YWHAG: variants seen among roughly 807,000 people sequenced by gnomAD.
YWHAG encodes the protein 14-3-3 protein gamma.
In YWHAG, 1 loss-of-function variant was observed where a neutral mutation model predicts 23.3. The ratio of observed to expected loss-of-function variants is 0.04; its 90% CI spans 0.02 to 0.20. The LOEUF (loss-of-function observed/expected upper bound fraction) is 0.20. Ranked by LOEUF, YWHAG falls within the 10% of genes least tolerant of loss-of-function variation. The pLI, the probability that YWHAG is intolerant of heterozygous loss-of-function variation, is 1.00. For missense variants in YWHAG, 151 were observed against 338.6 expected (o/e 0.45, Z 4.35); for synonymous variants, 160 against 144.0 (o/e 1.11, Z -0.80).
At chr7:76,355,018 T>C (rs1803931151) in intron 1 of YWHAG, among the ~76,000 whole-genome samples, 1 of 152,214 alleles carries the variant, frequency 6.6e-6, no homozygotes, top group Non-Finnish European at 1.5e-5. Flanking sequence ...CTGTGAGCTG[T>C]TGTGGGCACT....
At chr7:76,348,609 T>C (rs1803822682) in intron 1 of YWHAG, among the ~76,000 whole-genome samples, 1 of 152,086 alleles carries the variant, frequency 6.6e-6, no homozygotes, top group East Asian at 1.9e-4. Context: ...TTTCACCGTG[T>C]TTGCCAGGAT....
chr7:76,358,614 G>C, intron 1 of YWHAG, 108 bp downstream of exon 1: 1 of 1,130,014 alleles, frequency 8.8e-7, no homozygotes, highest in African/African-American at 1.6e-5. Flanking sequence ...GCGAGACGGG[G>C]CGGTCAACCC....
intron 1 of YWHAG, among the ~76,000 whole-genome samples, chr7:76,332,039 C>G (rs1803549547): frequency 6.6e-6 from 1 of 152,088 alleles, no homozygotes; most frequent in African/African-American, 2.4e-5. Context: ...ATTCTCTAAA[C>G]TGATTAGTGG....
Position 76,329,489 on chromosome 7 carries a change from T to TGCCACCCCCCCC in YWHAG, c.*87_*88insGGGGGGGGTGGC. 1 of 1,024,224 alleles carries TGCCACCCCCCCC rather than the reference T, an allele frequency of 9.8e-7. No individual in the cohort carries two copies. The highest frequency in any genetic ancestry group is 1.4e-6 in the Non-Finnish European group (1 of 740,078). The allele number at this position is 1,024,224 out of a possible 1,614,324, so 63.4% of individuals were successfully genotyped here. On this transcript the variant is annotated 3_prime_UTR_variant, in exon 2 of 2. Coordinates refer to ENST00000307630, the MANE Select transcript of YWHAG (RefSeq NM_012479.4). The surrounding 1 kb of genome is among the most constrained non-coding windows in gnomAD (Gnocchi z 6.1). ...TCCCTGGGAAGGTCATCCCTCCCTT[T>TGCCACCCCCCCC]CCCTCCCCCACCCGACCCCCAACTC...
At position 76,327,254 on chromosome 7, in the gene YWHAG, A is replaced by G. The variant is rs1803457910; in HGVS notation, c.*2323T>C. The stretch of plus-strand genomic sequence containing the variant: ...AAAAAAACCTTTAAAAAATTTGAAG[A>G]CTTAATTTTTTTTGTCATAGGAATA... On this transcript the variant is annotated 3_prime_UTR_variant, in exon 2 of 2. Transcript: ENST00000307630. The G allele has an allele frequency of 6.6e-6, 1 of 152,100 alleles. No homozygotes were observed. Among genetic ancestry groups the G allele is most frequent in the African/African-American group, 2.4e-5 (1 of 41,412 alleles). The allele number at this position is 152,100 out of a possible 1,614,324, so 9.4% of individuals were successfully genotyped here. A position where few individuals can be genotyped will look rare whatever the true frequency, so the allele number is the denominator to read the frequency against.
chr7:76,355,759 A>G (rs1412376016), intron 1 of YWHAG, among the ~76,000 whole-genome samples: 1 of 152,196 alleles, frequency 6.6e-6, no homozygotes, highest in Non-Finnish European at 1.5e-5. Context: ...TCATTGAGTT[A>G]AACTGCTTAA....
intron 1 of YWHAG, among the ~76,000 whole-genome samples, chr7:76,332,288 G>A (rs547228210): frequency 1.3e-5 from 2 of 152,154 alleles, no homozygotes; most frequent in East Asian, 3.8e-4. Context: ...CAGGCACCTC[G>A]TGTCTCATTC....
At chr7:76,335,233 C>T (rs1386119838) in intron 1 of YWHAG, among the ~76,000 whole-genome samples, 2 of 151,952 alleles carry the variant, frequency 1.3e-5, no homozygotes, top group Non-Finnish European at 2.9e-5. Flanking sequence ...AATTTTTGTA[C>T]TTTTAATAGA....
chr7:76,344,518 CT>C lies in YWHAG; in HGVS notation c.87+14203del, dbSNP rs1182825049. On this transcript the variant is annotated intron_variant, in intron 1 of 1. Transcript: ENST00000307630. ...CTCCCATGGCTGGCAGTCAAAAACC[CT>C]ATTCCAAAATTAGTTCGATCAAAAT... Among the ~76,000 whole-genome samples the C allele has an allele frequency of 9.9e-5, 15 of 152,176 alleles. 1 individual carries two copies. The highest frequency in any genetic ancestry group is 1.5e-5 in the Non-Finnish European group (1 of 68,030).
chr7:76,343,425 C>T (rs1054299133), intron 1 of YWHAG, among the ~76,000 whole-genome samples: 10 of 152,312 alleles, frequency 6.6e-5, no homozygotes, highest in Non-Finnish European at 1.2e-4. Flanking sequence ...ATATAACGCT[C>T]ATACTCCACC....
At chr7:76,345,989 AT>A (rs1443145230) in intron 1 of YWHAG, among the ~76,000 whole-genome samples, 2 of 152,194 alleles carry the variant, frequency 1.3e-5, no homozygotes, top group Non-Finnish European at 2.9e-5. Context: ...TAAAAAATAA[AT>A]GATGCATTTC....
intron 1 of YWHAG, 29 bp from the exon 2 acceptor site, chr7:76,330,262 T>C (rs1345852407): frequency 3.1e-6 from 5 of 1,592,928 alleles, no homozygotes; most frequent in Non-Finnish European, 4.3e-6. Flanking sequence ...AGAGTTGTTA[T>C]GGTACAGATG....
chr7:76,331,073 G>A (rs922433632), intron 1 of YWHAG, among the ~76,000 whole-genome samples: 2 of 152,154 alleles, frequency 1.3e-5, no homozygotes, highest in Non-Finnish European at 2.9e-5. Context: ...TATAGTATCA[G>A]AGTCATATAC....
At chr7:76,345,453 T>C (rs1459853222) in intron 1 of YWHAG, among the ~76,000 whole-genome samples, 1 of 151,336 alleles carries the variant, frequency 6.6e-6, no homozygotes, top group African/African-American at 2.4e-5. Flanking sequence ...CCCAAAGTGC[T>C]GGGATTACAG....
intron 1 of YWHAG, among the ~76,000 whole-genome samples, chr7:76,332,976 A>C (rs796827516): frequency 5.4e-5 from 8 of 149,384 alleles, no homozygotes; most frequent in African/African-American, 9.9e-5. Flanking sequence ...TGATTTATTT[A>C]TTTCTTTATT....
At chr7:76,351,539 G>A (rs897779664) in intron 1 of YWHAG, among the ~76,000 whole-genome samples, 6 of 152,340 alleles carry the variant, frequency 3.9e-5, no homozygotes, top group Middle Eastern at 3.4e-3. Flanking sequence ...CCTGGCTGCA[G>A]AGCAGGAAGT....
At chr7:76,334,804 G>A (rs903227042) in intron 1 of YWHAG, among the ~76,000 whole-genome samples, 21 of 151,866 alleles carry the variant, frequency 1.4e-4, no homozygotes, top group African/African-American at 5.1e-4. Flanking sequence ...GAGAAATGGC[G>A]TGATCACAGC....
At chr7:76,337,825 T>C (rs932744104) in intron 1 of YWHAG, among the ~76,000 whole-genome samples, 5 of 152,158 alleles carry the variant, frequency 3.3e-5, no homozygotes, top group Admixed American at 6.5e-5. Context: ...CATGAGCCAC[T>C]GTGCCCGACC....
At chr7:76,335,654 C>T (rs1415339892) in intron 1 of YWHAG, among the ~76,000 whole-genome samples, 1 of 152,184 alleles carries the variant, frequency 6.6e-6, no homozygotes, top group Non-Finnish European at 1.5e-5. Flanking sequence ...AAGAACCTTA[C>T]ATTGTAATGG....
Sources: allele counts gnomAD v4.1 joint callset (sites outside exome capture counted in the v4.1 genomes callset), GRCh38; gene constraint gnomAD v4.1.1; non-coding constraint Gnocchi (gnomAD v3.1); transcripts MANE v1.5; gene names NCBI Gene and HGNC (gene_info 2026-07-23, HGNC 2026-07-21).